MTR: variants seen among roughly 807,000 people sequenced by gnomAD.
MTR encodes 5-methyltetrahydrofolate-homocysteine methyltransferase, also known as methionine synthase.
MTR carries 84 observed loss-of-function variants against 154.8 expected under a neutral mutation model. The ratio of observed to expected loss-of-function variants is 0.54; its 90% CI spans 0.45 to 0.65. The LOEUF (loss-of-function observed/expected upper bound fraction) is 0.65, where lower values mean the gene tolerates loss of function less well. Among genes scored for constraint, MTR ranks in the 30% least tolerant of loss-of-function variants. The pLI is 0.00. For missense variants in MTR, 1,275 were observed against 1,570.2 expected (o/e 0.81, Z 3.18); for synonymous variants, 554 against 553.9 (o/e 1.00, Z 0.00).
At chr1:236,860,649 C>T (rs1206106506) in intron 19 of MTR, among the ~76,000 whole-genome samples, 4 of 152,164 alleles carry the variant, frequency 2.6e-5, no homozygotes, top group Non-Finnish European at 5.9e-5. Context: ...AGAAAACTTA[C>T]TGATTTCTCC....
chr1:236,810,450 C>G (rs1661229108), intron 4 of MTR, 53 bp from the exon 5 acceptor site: 1 of 1,441,186 alleles, frequency 6.9e-7, no homozygotes, highest in Admixed American at 1.7e-5. Context: ...TCATTCACGA[C>G]AAAAAATGTT....
At chr1:236,849,498 C>T (rs1663776888) in intron 15 of MTR, among the ~76,000 whole-genome samples, 1 of 152,146 alleles carries the variant, frequency 6.6e-6, no homozygotes, top group Admixed American at 6.5e-5. Context: ...AGCCTTAGTT[C>T]TGTGAAGCAC....
Position 236,897,803 on chromosome 1 carries a change from G to A in MTR, c.*159G>A. The A allele has an allele frequency of 1.5e-6, 1 of 680,492 alleles. No homozygotes were observed. Among genetic ancestry groups the A allele is most frequent in the Admixed American group, 2.7e-5 (1 of 37,646 alleles). 42.2% of individuals were successfully genotyped at this position (680,492 alleles called of 1,614,324 possible). ...CTATTTAGTGGAACCTTGTAGAGGAGCAGGGTCTTCCTGCAGTGCCTGGAA... is the reference window on the plus strand; with the variant it reads ...CTATTTAGTGGAACCTTGTAGAGGAACAGGGTCTTCCTGCAGTGCCTGGAA... On this transcript the variant is annotated 3_prime_UTR_variant, in exon 33 of 33. Transcript: ENST00000366577.
intron 13 of MTR, among the ~76,000 whole-genome samples, chr1:236,832,475 G>A (rs536036032): frequency 6.6e-6 from 1 of 152,238 alleles, no homozygotes; most frequent in Admixed American, 6.5e-5. Flanking sequence ...AACGCTGACT[G>A]TTGAGGGTAT....
chr1:236,838,728 G>T, intron 15 of MTR, 129 bp downstream of exon 15: 2 of 911,434 alleles, frequency 2.2e-6, no homozygotes, highest in Non-Finnish European at 3.5e-6. Context: ...ATACATTCAT[G>T]TACATATATG....
chr1:236,828,315 G>T (rs1324870709), intron 11 of MTR, among the ~76,000 whole-genome samples: 2 of 152,142 alleles, frequency 1.3e-5, no homozygotes, highest in African/African-American at 4.8e-5. Flanking sequence ...AATAATTTCT[G>T]AAAGCTGTCA....
In MTR at chr1:236,826,827, A is replaced by T. The variant is rs1662315140; in HGVS notation, c.928-2A>T. 3.7e-6 allele frequency: 6 copies of T among 1,614,048 alleles called. No homozygotes were observed. Among genetic ancestry groups the T allele is most frequent in the Non-Finnish European group, 5.1e-6 (6 of 1,179,892 alleles). ...TGAAACTTTGTCTCTTCCTAAATGC[A>T]GGATTTTGCTATGGATGGCTTGGTC... On this transcript the variant is annotated splice_acceptor_variant, in intron 10 of 32. Coordinates refer to ENST00000366577, the MANE Select transcript of MTR (RefSeq NM_000254.3). LOFTEE classifies it high-confidence loss of function.
chr1:236,891,447 T>C, intron 29 of MTR, 118 bp downstream of exon 29: 2 of 1,087,934 alleles, frequency 1.8e-6, no homozygotes, highest in Non-Finnish European at 2.7e-6. Flanking sequence ...ACCAATCACA[T>C]GCCCAAGAAG....
intron 18 of MTR, among the ~76,000 whole-genome samples, chr1:236,857,811 A>G (rs1664290336): frequency 6.6e-6 from 1 of 152,188 alleles, no homozygotes; most frequent in African/African-American, 2.4e-5. Context: ...ACCCCAAACT[A>G]GAGATGGTCA....
intron 30 of MTR, 64 bp downstream of exon 30, chr1:236,894,621 G>A: frequency 6.3e-7 from 1 of 1,578,866 alleles, no homozygotes; most frequent in Non-Finnish European, 8.7e-7. Context: ...AGCCTGGGGT[G>A]GGTGCCTGAA....
chr1:236,887,581 C>T (rs770588332), intron 27 of MTR, among the ~76,000 whole-genome samples: 4 of 152,224 alleles, frequency 2.6e-5, no homozygotes, highest in African/African-American at 7.2e-5. Context: ...ACATCCAAAA[C>T]GTATTTTGCT....
chr1:236,807,671 T>G (rs1385658477), intron 3 of MTR, among the ~76,000 whole-genome samples: 3 of 152,252 alleles, frequency 2.0e-5, no homozygotes, highest in Non-Finnish European at 4.4e-5. Flanking sequence ...ATATGGTAGA[T>G]GCTAATGTCC....
intron 15 of MTR, among the ~76,000 whole-genome samples, chr1:236,841,161 T>C (rs1663210661): frequency 6.6e-6 from 1 of 152,240 alleles, no homozygotes; most frequent in African/African-American, 2.4e-5. Flanking sequence ...TTTTTATTTA[T>C]TGACTTCCTA....
Position 236,859,886 on chromosome 1 carries a change from C to T in MTR, c.2007C>T (p.Gly669=). The T allele has an allele frequency of 6.2e-7, 1 of 1,613,932 alleles. No individual in the cohort carries two copies. The highest frequency in any genetic ancestry group is 8.5e-7 in the Non-Finnish European group (1 of 1,179,892). The change falls in exon 19 of 33, where the codon GGC becomes GGT. Residue 669 remains glycine, a synonymous_variant. Coordinates refer to ENST00000366577, the MANE Select transcript of MTR (RefSeq NM_000254.3). ...TTCAGACTGATGAGTGGAGAAATGG[C>T]CCTGTCGAAGAACGCCTTGAGTATG... is the stretch of plus-strand genomic sequence containing the variant. ...KVIQTDEWRN[G]PVEERLEYAL...
At chr1:236,808,553 T>G (rs559605169) in intron 3 of MTR, 151 bp from the exon 4 acceptor site, 1 of 797,300 alleles carries the variant, frequency 1.3e-6, no homozygotes, top group South Asian at 1.5e-5. Flanking sequence ...GGAGCTGATA[T>G]GCCTGCTTGG....
chr1:236,860,695 G>A lies in MTR; in HGVS notation c.2044-430G>A, dbSNP rs115261576. On this transcript the variant is annotated intron_variant, in intron 19 of 32. Transcript: ENST00000366577. ...ATTAATGTATAATCTGGTAAAACAC[G>A]AAGATACAAAATGGATTTTATGCAT... Among the ~76,000 whole-genome samples, 353 of 152,210 alleles carry A rather than the reference G, an allele frequency of 2.3e-3. 1 individual carries two copies. The highest frequency in any genetic ancestry group is 0.011 in the East Asian group (58 of 5,178).
At chr1:236,813,355 T>TA (rs1661413320) in intron 6 of MTR, among the ~76,000 whole-genome samples, 1 of 152,238 alleles carries the variant, frequency 6.6e-6, no homozygotes, top group Non-Finnish European at 1.5e-5. Flanking sequence ...TCCTTATACA[T>TA]ACGTTTTTAC....
At chr1:236,831,173 G>A (rs774819645) in intron 12 of MTR, among the ~76,000 whole-genome samples, 2 of 152,182 alleles carry the variant, frequency 1.3e-5, no homozygotes, top group Non-Finnish European at 2.9e-5. Flanking sequence ...ACCATCTAAT[G>A]AGACTGCCTC....
chr1:236,881,764 A>G (rs192651261), intron 25 of MTR, among the ~76,000 whole-genome samples: 4 of 152,068 alleles, frequency 2.6e-5, no homozygotes, highest in Non-Finnish European at 5.9e-5. Flanking sequence ...AAGTTATATA[A>G]TCATCACTAA....
Sources: allele counts gnomAD v4.1 joint callset (sites outside exome capture counted in the v4.1 genomes callset), GRCh38; gene constraint gnomAD v4.1.1; transcripts MANE v1.5; gene names NCBI Gene and HGNC (gene_info 2026-07-23, HGNC 2026-07-21).